The following TENM3 variants were observed in gnomAD, a reference collection of about 807,000 sequenced individuals.
TENM3 encodes teneurin transmembrane protein 3.
Under a neutral mutation model 255.1 loss-of-function variants are expected in TENM3, and 63 were observed. The observed-to-expected ratio is 0.25, with a 90% CI of 0.20 to 0.30. The LOEUF is 0.30. Among genes scored for constraint, TENM3 ranks in the 10% least tolerant of loss-of-function variants. The pLI is 1.00. For synonymous variants in TENM3, 1,306 were observed against 1,322.3 expected, an observed-to-expected ratio of 0.99 and a Z score of 0.27; for missense variants, 2,929 against 3,461.1, an observed-to-expected ratio of 0.85 and a Z score of 3.86.
the TENM3 span, among the ~76,000 whole-genome samples, chr4:181,791,268 T>G: frequency 1.3e-5 from 2 of 152,360 alleles, no homozygotes; most frequent in South Asian, 2.1e-4. Flanking sequence ...GATTGCCACA[T>G]TTATATGATA....
the TENM3 span, among the ~76,000 whole-genome samples, chr4:181,874,724 C>T: frequency 6.6e-6 from 1 of 152,176 alleles, no homozygotes; most frequent in African/African-American, 2.4e-5. Context: ...CTGTACCATC[C>T]TCCTTTCTGG....
the TENM3 span, among the ~76,000 whole-genome samples, chr4:181,639,459 G>T: frequency 3.3e-5 from 5 of 152,196 alleles, no homozygotes; most frequent in East Asian, 9.7e-4. Context: ...CCCACCACTG[G>T]CCAGCTGTGG....
chr4:181,575,910 C>T, the TENM3 span, among the ~76,000 whole-genome samples: 4 of 152,292 alleles, frequency 2.6e-5, no homozygotes, highest in Non-Finnish European at 4.4e-5. Context: ...GAATCAATAG[C>T]AAGAGTGATA....
the TENM3 span, among the ~76,000 whole-genome samples, chr4:181,779,211 G>C: frequency 6.6e-6 from 1 of 151,686 alleles, no homozygotes; most frequent in Non-Finnish European, 1.5e-5. Flanking sequence ...AAAGGCTACT[G>C]CTCCATTTTC....
At chr4:182,218,705 A>C (rs1325341240) in intron 1 of TENM3, among the ~76,000 whole-genome samples, 1 of 152,210 alleles carries the variant, frequency 6.6e-6, no homozygotes, top group African/African-American at 2.4e-5. Context: ...TTGATGAATG[A>C]AAGTGAATTT....
the TENM3 span, among the ~76,000 whole-genome samples, chr4:181,842,431 A>G: frequency 6.6e-6 from 1 of 152,212 alleles, no homozygotes; most frequent in South Asian, 2.1e-4. Context: ...AAGCTTTTAA[A>G]TTGGCATGAC....
At chr4:181,525,417 A>AAAAAAAAAAAAAAAAAAAAAT in the TENM3 span, among the ~76,000 whole-genome samples, 1 of 138,432 alleles carries the variant, frequency 7.2e-6, no homozygotes. Context: ...AAAAAAAAAA[A>AAAAAAAAAAAAAAAAAAAAAT]GGAATGCAGA....
At chr4:181,603,457 A>T in the TENM3 span, among the ~76,000 whole-genome samples, 1 of 152,194 alleles carries the variant, frequency 6.6e-6, no homozygotes, top group Admixed American at 6.5e-5. Flanking sequence ...ACAGTCACAT[A>T]AAAGAAAGAA....
At chr4:181,748,253 ATCT>A in the TENM3 span, among the ~76,000 whole-genome samples, 1 of 152,080 alleles carries the variant, frequency 6.6e-6, no homozygotes, top group African/African-American at 2.4e-5. Context: ...GCACTACATA[ATCT>A]TCTTATCCAA....
the TENM3 span, among the ~76,000 whole-genome samples, chr4:181,919,091 G>A: frequency 1.4e-4 from 21 of 152,288 alleles, no homozygotes; most frequent in South Asian, 1.5e-3. Flanking sequence ...GACCCAGTGC[G>A]AGAGGATAAG....
the TENM3 span, among the ~76,000 whole-genome samples, chr4:181,483,367 G>A: frequency 2.6e-5 from 4 of 152,018 alleles, no homozygotes; most frequent in African/African-American, 9.7e-5. Context: ...CTAATTGAGC[G>A]AACATCATCA....
intron 1 of TENM3, among the ~76,000 whole-genome samples, chr4:182,248,620 A>G (rs1757800785): frequency 6.6e-6 from 1 of 152,164 alleles, no homozygotes; most frequent in African/African-American, 2.4e-5. Flanking sequence ...ACTGGCGGAG[A>G]TTCAGTCAGT....
At chr4:182,566,868 A>G (rs1431120429) in intron 3 of TENM3, among the ~76,000 whole-genome samples, 2 of 152,132 alleles carry the variant, frequency 1.3e-5, no homozygotes, top group African/African-American at 2.4e-5. Context: ...GTTCTTTTCT[A>G]TAGTATTTCA....
At chr4:182,577,067 A>G (rs1006566701) in intron 3 of TENM3, among the ~76,000 whole-genome samples, 1 of 152,122 alleles carries the variant, frequency 6.6e-6, no homozygotes, top group Non-Finnish European at 1.5e-5. Flanking sequence ...TCTCACTGTC[A>G]TGCCTTAGCC....
At chr4:181,576,116 C>A in the TENM3 span, among the ~76,000 whole-genome samples, 1 of 152,144 alleles carries the variant, frequency 6.6e-6, no homozygotes, top group Non-Finnish European at 1.5e-5. Flanking sequence ...TACCCCTACC[C>A]TTCCTAGTCT....
chr4:181,840,343 G>A, the TENM3 span, among the ~76,000 whole-genome samples: 1 of 152,048 alleles, frequency 6.6e-6, no homozygotes, highest in Non-Finnish European at 1.5e-5. Context: ...TAAATCTGCT[G>A]TTTGGAACTT....
intron 1 of TENM3, among the ~76,000 whole-genome samples, chr4:182,276,605 C>T (rs1760016348): frequency 6.6e-6 from 1 of 152,178 alleles, no homozygotes. Context: ...GTGAACTAAT[C>T]TTGGCCATAT....
chr4:182,509,285 T>C (rs1410451933), intron 3 of TENM3, among the ~76,000 whole-genome samples: 3 of 152,214 alleles, frequency 2.0e-5, no homozygotes, highest in African/African-American at 7.2e-5. Context: ...TGGGGCCACC[T>C]TTGTTGTTTA....
At chr4:182,042,903 G>A in the TENM3 span, among the ~76,000 whole-genome samples, 101 of 151,694 alleles carry the variant, frequency 6.7e-4, 1 homozygote, top group African/African-American at 2.2e-3. Context: ...GTGTGTGTGT[G>A]TGTGTATGAA....
Sources: gnomAD v4.1 joint callset for allele counts (sites outside exome capture counted in the v4.1 genomes callset) on GRCh38, gnomAD v4.1.1 for gene constraint, MANE v1.5 for transcripts, NCBI Gene and HGNC (gene_info 2026-07-23, HGNC 2026-07-21) for gene names.